NCOA1: variants seen among roughly 807,000 people sequenced by gnomAD.
NCOA1 encodes nuclear receptor coactivator 1, also known as Hin-2 protein.
NCOA1 carries 35 observed loss-of-function variants against 150.9 expected under a neutral mutation model. The observed-to-expected ratio is 0.23, with a 90% CI of 0.18 to 0.31. The LOEUF is 0.31. NCOA1 is among the 10% of genes least tolerant of loss of function. The pLI, the probability that NCOA1 is intolerant of heterozygous loss-of-function variation, is 1.00. For synonymous variants in NCOA1, 590 were observed against 630.0 expected, an observed-to-expected ratio of 0.94 and a Z score of 0.95; for missense variants, 1,491 against 1,749.3, an observed-to-expected ratio of 0.85 and a Z score of 2.63.
At chr2:24,513,977 C>G (rs1264787846) in intron 1 of NCOA1, among the ~76,000 whole-genome samples, 3 of 152,040 alleles carry the variant, frequency 2.0e-5, no homozygotes, top group African/African-American at 7.2e-5. Flanking sequence ...ATTCATTTGA[C>G]CAGTTTACTT....
chr2:24,638,742 T>G (rs1165554243), intron 3 of NCOA1, among the ~76,000 whole-genome samples: 1 of 152,216 alleles, frequency 6.6e-6, no homozygotes. Context: ...TCCCTGATGA[T>G]TAATGATGTT....
Position 24,707,715 on chromosome 2 carries a change from C to T in NCOA1, c.2245C>T (p.Leu749=). 1 of 1,614,154 alleles carries T rather than the reference C, an allele frequency of 6.2e-7. No individual in the cohort carries two copies. The highest frequency in any genetic ancestry group is 1.1e-5 in the South Asian group (1 of 91,086). ...AAAAGAATCAAAAGACCATCAGCTC[C>T]TACGCTATCTTTTAGATAAAGATGA... ...KKKESKDHQL[L]RYLLDKDEKD... Residue 749 remains leucine (L), a synonymous_variant, in exon 13 of 23, where the codon CTA becomes TTA. Transcript: ENST00000348332.
chr2:24,740,960 T>C (rs1053950579), intron 18 of NCOA1, among the ~76,000 whole-genome samples: 1 of 152,188 alleles, frequency 6.6e-6, no homozygotes, highest in Non-Finnish European at 1.5e-5. Context: ...ACCACTTCTT[T>C]CCTCATCCAT....
At chr2:24,734,043 G>T (rs967382600) in intron 17 of NCOA1, among the ~76,000 whole-genome samples, 4 of 151,784 alleles carry the variant, frequency 2.6e-5, no homozygotes, top group African/African-American at 9.7e-5. Context: ...AAATTAGCTG[G>T]GTGTGGTGGC....
At chr2:24,744,365 A>G (rs1340322096) in intron 19 of NCOA1, among the ~76,000 whole-genome samples, 2 of 152,262 alleles carry the variant, frequency 1.3e-5, no homozygotes, top group African/African-American at 4.8e-5. Flanking sequence ...CTGAAATGAA[A>G]TGGCAGGGCT....
chr2:24,701,301 C>G (rs1572612352), intron 11 of NCOA1, among the ~76,000 whole-genome samples: 1 of 151,892 alleles, frequency 6.6e-6, no homozygotes, highest in Non-Finnish European at 1.5e-5. Context: ...TCCAGAAGTT[C>G]AAGACCAGCT....
chr2:24,508,961 T>C (rs1663818708), intron 1 of NCOA1, among the ~76,000 whole-genome samples: 1 of 152,212 alleles, frequency 6.6e-6, no homozygotes, highest in Non-Finnish European at 1.5e-5. Context: ...TGTCTGGAAA[T>C]GATAGAGTCT....
intron 1 of NCOA1, among the ~76,000 whole-genome samples, chr2:24,513,442 T>C (rs989991258): frequency 1.3e-5 from 2 of 152,208 alleles, no homozygotes; most frequent in Non-Finnish European, 2.9e-5. Context: ...ATTTCATGGC[T>C]ACATCACAAT....
chr2:24,649,582 C>G (rs993989403), intron 4 of NCOA1, among the ~76,000 whole-genome samples: 1 of 152,148 alleles, frequency 6.6e-6, no homozygotes, highest in African/African-American at 2.4e-5. Flanking sequence ...ATATGTGATA[C>G]AATGCTATTT....
At chr2:24,505,706 G>A (rs1193136726) in intron 1 of NCOA1, among the ~76,000 whole-genome samples, 1 of 152,052 alleles carries the variant, frequency 6.6e-6, no homozygotes, top group Admixed American at 6.5e-5. Flanking sequence ...CAAGGGATGG[G>A]CATGTGACTC....
chr2:24,763,537 CAAA>C (rs35265100), intron 22 of NCOA1, among the ~76,000 whole-genome samples: 17 of 80,834 alleles, frequency 2.1e-4, no homozygotes, highest in Admixed American at 3.0e-4. Context: ...GACTCCATCT[CAAA>C]AAAAAAAAAA....
intron 1 of NCOA1, among the ~76,000 whole-genome samples, chr2:24,552,343 AT>A (rs938855947): frequency 1.0e-4 from 3 of 28,848 alleles, no homozygotes; most frequent in African/African-American, 1.4e-4. Flanking sequence ...ATATATATAT[AT>A]ATATATATAT....
At chr2:24,746,419 T>C (rs1442459313) in intron 19 of NCOA1, among the ~76,000 whole-genome samples, 2 of 152,040 alleles carry the variant, frequency 1.3e-5, no homozygotes, top group Non-Finnish European at 2.9e-5. Context: ...GGTGGGCGCC[T>C]GTAGTCCAGC....
At chr2:24,555,702 A>G (rs924487172) in intron 1 of NCOA1, among the ~76,000 whole-genome samples, 2 of 152,306 alleles carry the variant, frequency 1.3e-5, no homozygotes, top group Non-Finnish European at 2.9e-5. Context: ...GTAATTACAT[A>G]GTGTTCCACT....
In NCOA1 at chr2:24,650,929, A is replaced by G. The variant is rs375487426; in HGVS notation, c.-18+6807A>G. ...GAAAATCTGAAATGCAGAATGCTCC[A>G]ATGAGCATTTCCTTTGAGTGTTATG... is the stretch of plus-strand genomic sequence containing the variant. On this transcript the variant is annotated intron_variant, in intron 4 of 22. Coordinates refer to ENST00000348332, the MANE Select transcript of NCOA1 (RefSeq NM_003743.5). Among the ~76,000 whole-genome samples, 70 of 152,242 alleles carry G rather than the reference A, an allele frequency of 4.6e-4. 2 individuals carry two copies. The East Asian group carries it at 6.9e-3, about 15-fold the overall frequency.
chr2:24,726,534 C>T (rs1674631761), intron 14 of NCOA1, 55 bp from the exon 15 acceptor site: 2 of 1,047,252 alleles, frequency 1.9e-6, no homozygotes, highest in Non-Finnish European at 2.8e-6. Context: ...TTGAAAATAC[C>T]ATCATTTTAT....
intron 8 of NCOA1, among the ~76,000 whole-genome samples, chr2:24,690,451 G>A (rs1489672468): frequency 2.6e-5 from 4 of 151,726 alleles, no homozygotes; most frequent in Non-Finnish European, 4.4e-5. Context: ...TCAGGAGTAC[G>A]AGACCAGCCT....
chr2:24,757,247 G>A (rs947416351), intron 20 of NCOA1, among the ~76,000 whole-genome samples: 8 of 152,154 alleles, frequency 5.3e-5, no homozygotes, highest in Non-Finnish European at 8.8e-5. Flanking sequence ...TCAATTGCCA[G>A]TGAGTCCCAG....
At chr2:24,547,437 G>T (rs1185531082) in intron 1 of NCOA1, among the ~76,000 whole-genome samples, 2 of 152,072 alleles carry the variant, frequency 1.3e-5, no homozygotes, top group Non-Finnish European at 2.9e-5. Flanking sequence ...TATATTATGA[G>T]AATTTACTCT....
Sources: allele counts gnomAD v4.1 joint callset (sites outside exome capture counted in the v4.1 genomes callset), GRCh38; gene constraint gnomAD v4.1.1; transcripts MANE v1.5; gene names NCBI Gene and HGNC (gene_info 2026-07-23, HGNC 2026-07-21).